FAM13B: variants seen among roughly 807,000 people sequenced by gnomAD.
FAM13B encodes the protein family with sequence similarity 13 member B.
Under a neutral mutation model 117.3 loss-of-function variants are expected in FAM13B, and 60 were observed. The observed-to-expected ratio is 0.51, with a 90% CI of 0.42 to 0.63. The LOEUF is 0.63. FAM13B is among the 30% of genes least tolerant of loss of function. FAM13B has a pLI of 0.00. For missense variants in FAM13B, 972 were observed against 1,091.9 expected (o/e 0.89, Z 1.55); for synonymous variants, 332 against 356.1 (o/e 0.93, Z 0.76).
intron 17 of FAM13B, 79 bp downstream of exon 17, chr5:137,952,549 G>T: frequency 1.1e-6 from 1 of 900,762 alleles, no homozygotes; most frequent in Non-Finnish European, 1.7e-6. Flanking sequence ...ATTATCAAAA[G>T]TTGTATTTGT....
chr5:137,943,877 T>C (rs1762613708), intron 20 of FAM13B, among the ~76,000 whole-genome samples: 1 of 152,218 alleles, frequency 6.6e-6, no homozygotes, highest in Non-Finnish European at 1.5e-5. Context: ...TTTATTAAGA[T>C]ATAATTATAT....
At chr5:137,994,842 C>T (rs1172052042) in intron 7 of FAM13B, among the ~76,000 whole-genome samples, 1 of 152,228 alleles carries the variant, frequency 6.6e-6, no homozygotes, top group Non-Finnish European at 1.5e-5. Flanking sequence ...ATCTTGAGAA[C>T]ATAAGATCAA....
intron 10 of FAM13B, among the ~76,000 whole-genome samples, chr5:137,965,747 T>C (rs1769527162): frequency 1.3e-5 from 2 of 152,200 alleles, no homozygotes; most frequent in African/African-American, 4.8e-5. Flanking sequence ...TAGCCTTCTC[T>C]TCCTCTTGAC....
chr5:137,983,969 A>G (rs2150557009), intron 10 of FAM13B, among the ~76,000 whole-genome samples: 1 of 152,324 alleles, frequency 6.6e-6, no homozygotes, highest in East Asian at 1.9e-4. Flanking sequence ...TTATCTATTA[A>G]TTTAGCATCT....
At chr5:137,996,307 T>G (rs1255076661) in intron 7 of FAM13B, among the ~76,000 whole-genome samples, 1 of 151,864 alleles carries the variant, frequency 6.6e-6, no homozygotes, top group East Asian at 1.9e-4. Context: ...GGCTAATTTT[T>G]TTTTTGTATT....
chr5:137,983,216 C>CCGAGTGAG (rs1343130652), intron 10 of FAM13B, among the ~76,000 whole-genome samples: 1 of 94,802 alleles, frequency 1.1e-5, no homozygotes, highest in African/African-American at 4.1e-5. Context: ...AAAAAAAAAA[C>CCGAGTGAG]CGAGTGAGAT....
Position 137,950,370 on chromosome 5 carries a change from T to C in FAM13B, c.1931-1186A>G, listed in dbSNP as rs1371210377. ...CTGTCCCCAGTGAGGCAATAGCCAGTGTGAAGGTCCTAAAGCTTGGCAAGT... is the reference window on the plus strand; with the variant it reads ...CTGTCCCCAGTGAGGCAATAGCCAGCGTGAAGGTCCTAAAGCTTGGCAAGT... On this transcript the variant is annotated intron_variant, in intron 17 of 23. Transcript: ENST00000689681. Among the ~76,000 whole-genome samples the C allele has an allele frequency of 3.3e-5, 5 of 152,142 alleles. No homozygotes were observed. In the East Asian group the frequency reaches 9.7e-4, roughly 30 times the overall value.
intron 1 of FAM13B, among the ~76,000 whole-genome samples, chr5:138,025,654 T>C (rs1008580741): frequency 4.6e-5 from 7 of 152,122 alleles, no homozygotes; most frequent in Non-Finnish European, 1.0e-4. Context: ...ACACCCCTTT[T>C]TCCCCCCATG....
intron 23 of FAM13B, 96 bp downstream of exon 23, chr5:137,941,848 C>A: frequency 9.6e-7 from 1 of 1,044,022 alleles, no homozygotes; most frequent in Non-Finnish European, 1.4e-6. Flanking sequence ...ATCCTATATG[C>A]ACAATTTCTA....
chr5:137,942,981 C>A lies in FAM13B; in HGVS notation c.2482G>T (p.Ala828Ser). Residue 828 changes from alanine to serine, a missense_variant, in exon 22 of 24, where the codon GCA becomes TCA. By Grantham distance (99) the Ala-to-Ser change is moderately conservative. Transcript: ENST00000689681. ...SSELGDMLKT[A>S]VQVQSSLENS... is the part of the protein sequence containing the mutation. ...TCTAATGAAGACTGTACCTGTACTG[C>A]AGTTTTCAACATATCACCTAACTCA... 1 of 1,613,400 alleles carries A rather than the reference C, an allele frequency of 6.2e-7. No homozygotes were observed. Among genetic ancestry groups the A allele is most frequent in the Non-Finnish European group, 8.5e-7 (1 of 1,179,794 alleles).
At chr5:137,981,994 T>C (rs992002274) in intron 10 of FAM13B, among the ~76,000 whole-genome samples, 1 of 152,208 alleles carries the variant, frequency 6.6e-6, no homozygotes, top group Non-Finnish European at 1.5e-5. Flanking sequence ...GGACTTATGA[T>C]TTAGCTGTCT....
chr5:137,952,823 C>A, intron 16 of FAM13B, 114 bp from the exon 17 acceptor site: 1 of 641,070 alleles, frequency 1.6e-6, no homozygotes, highest in Non-Finnish European at 2.6e-6. Flanking sequence ...ATTCTCATTT[C>A]ATCTTATTTT....
At chr5:137,980,030 G>A (rs563591510) in intron 10 of FAM13B, among the ~76,000 whole-genome samples, 5 of 151,298 alleles carry the variant, frequency 3.3e-5, no homozygotes, top group South Asian at 2.1e-4. Context: ...AAAATTAGCC[G>A]GGCGTGGTGG....
At position 137,946,016 on chromosome 5, in the gene FAM13B, G is replaced by A; in HGVS notation, c.2245-19C>T. ...TGGTCACCTGAAGCAAGAAAAAAAA[G>A]AAATTGTCTAGTCATCACAAATCTA... is the stretch of plus-strand genomic sequence containing the variant. On this transcript the variant is annotated intron_variant, in intron 19 of 23. Coordinates refer to ENST00000689681, the MANE Select transcript of FAM13B (RefSeq NM_001385994.1). The A allele has an allele frequency of 2.5e-6, 4 of 1,580,680 alleles. No homozygotes were observed. Among genetic ancestry groups the A allele is most frequent in the Non-Finnish European group, 3.5e-6 (4 of 1,154,434 alleles).
At chr5:138,020,128 T>C (rs1206242060) in intron 2 of FAM13B, among the ~76,000 whole-genome samples, 1 of 152,024 alleles carries the variant, frequency 6.6e-6, no homozygotes, top group African/African-American at 2.4e-5. Flanking sequence ...TGGTGCAATC[T>C]TGGCTCACTG....
At chr5:138,047,331 C>T (rs992518247) in intron 1 of FAM13B, among the ~76,000 whole-genome samples, 1 of 151,308 alleles carries the variant, frequency 6.6e-6, no homozygotes, top group African/African-American at 2.4e-5. Context: ...AGGGTGAAAC[C>T]CCACCTCTAC....
intron 16 of FAM13B, 140 bp downstream of exon 16, chr5:137,953,196 A>T (rs1286273650): frequency 1.1e-6 from 1 of 886,118 alleles, no homozygotes; most frequent in Admixed American, 2.5e-5. Flanking sequence ...ATATAATCTC[A>T]GATCTACATG....
chr5:138,048,145 G>C (rs527903228), intron 1 of FAM13B, among the ~76,000 whole-genome samples: 2 of 152,184 alleles, frequency 1.3e-5, no homozygotes, highest in African/African-American at 2.4e-5. Context: ...GAAAAATAAA[G>C]CAGAAAGTAC....
rs139749972 is a variant in FAM13B at position 137,987,500 on chromosome 5, G to A, written c.1007C>T (p.Ala336Val). 18 of 1,612,780 alleles carry A rather than the reference G, an allele frequency of 1.1e-5. No homozygotes were observed. The highest frequency in any genetic ancestry group is 1.5e-5 in the Non-Finnish European group (18 of 1,179,286). The change falls in exon 9 of 24, where the codon GCA becomes GTA. Residue 336 changes from alanine to valine, a missense_variant. Physicochemically the swap from Ala to Val is moderately conservative, Grantham distance 64. Transcript: ENST00000689681. Reference sequence around the variant, plus strand: ...TTCCCCATCACAATGAATACTTTCTGCTTCATTATTACACACCACACTTTG... The same window carrying A: ...TTCCCCATCACAATGAATACTTTCTACTTCATTATTACACACCACACTTTG... The part of the protein sequence containing the change: ...QQQSVVCNNE[A>V]ESIHCDGEGS...
Sources: gnomAD v4.1 joint callset for allele counts (sites outside exome capture counted in the v4.1 genomes callset) on GRCh38, gnomAD v4.1.1 for gene constraint, MANE v1.5 for transcripts, NCBI Gene and HGNC (gene_info 2026-07-23, HGNC 2026-07-21) for gene names.